The following RTL10 variants were observed in gnomAD, a reference collection of about 807,000 sequenced individuals.
RTL10 encodes retrotransposon Gag like 10.
For synonymous variants in RTL10, 199 were observed against 188.4 expected (o/e 1.06, Z -0.46); for missense variants, 477 against 470.7 (o/e 1.01, Z -0.12).
chr22:19,848,399 T>C lies in RTL10; in HGVS notation c.*2768A>G. ...AGAAAAACAACCCAGGGGGAATGCC[T>C]CCTTCCCCCAGCAGGAAAGCAGCTT... On this transcript the variant is annotated 3_prime_UTR_variant, in exon 3 of 3. Coordinates refer to ENST00000328554, the MANE Select transcript of RTL10 (RefSeq NM_024627.6). 5 of 985,382 alleles carry C rather than the reference T, an allele frequency of 5.1e-6. No homozygotes were observed. The highest frequency in any genetic ancestry group is 6.0e-6 in the Non-Finnish European group (5 of 829,940). 61.0% of individuals were successfully genotyped at this position (985,382 alleles called of 1,614,324 possible).
rs1462646944 is a variant in RTL10 at position 19,847,934 on chromosome 22, C to T, written c.*3233G>A. 1 of 984,970 alleles carries T rather than the reference C, an allele frequency of 1.0e-6. No individual in the cohort carries two copies. The highest frequency in any genetic ancestry group is 1.2e-6 in the Non-Finnish European group (1 of 829,768). 61.0% of individuals were successfully genotyped at this position (984,970 alleles called of 1,614,324 possible). ...GCACATACATGGCTTTACTATTTTC[C>T]AGAGGGCCAACTGCTTTTACTGAAT... On this transcript the variant is annotated 3_prime_UTR_variant, in exon 3 of 3. Transcript: ENST00000328554.
At position 19,849,979 on chromosome 22, in the gene RTL10, G is replaced by A. The variant is rs2145904972; in HGVS notation, c.*1188C>T. The A allele has an allele frequency of 1.0e-6, 1 of 985,348 alleles. No individual in the cohort carries two copies. The highest frequency in any genetic ancestry group is 1.2e-6 in the Non-Finnish European group (1 of 829,986). 61.0% of individuals were successfully genotyped at this position (985,348 alleles called of 1,614,324 possible). ...GTCTTTCTTCATTCCATTCCTCTGG[G>A]CCTGGGGCCTCACAGCTCTGGACTG... On this transcript the variant is annotated 3_prime_UTR_variant, in exon 3 of 3. Transcript: ENST00000328554.
At position 19,847,304 on chromosome 22, in the gene RTL10, A is replaced by T; in HGVS notation, c.*3863T>A. 1 of 985,034 alleles carries T rather than the reference A, an allele frequency of 1.0e-6. No individual in the cohort carries two copies. Among genetic ancestry groups the T allele is most frequent in the Non-Finnish European group, 1.2e-6 (1 of 829,554 alleles). The allele number at this position is 985,034 out of a possible 1,614,324, so 61.0% of individuals were successfully genotyped here. ...TTGGAGATCTTTGTTACTGCAGCACAATCTGGCTCATGCTGACTGATCCTG... is the reference window on the plus strand; with the variant it reads ...TTGGAGATCTTTGTTACTGCAGCACTATCTGGCTCATGCTGACTGATCCTG... On this transcript the variant is annotated 3_prime_UTR_variant, in exon 3 of 3. Coordinates refer to ENST00000328554, the MANE Select transcript of RTL10 (RefSeq NM_024627.6).
Position 19,847,223 on chromosome 22 carries a change from G to C in RTL10, c.*3944C>G. The C allele has an allele frequency of 1.0e-6, 1 of 985,476 alleles. No individual in the cohort carries two copies. Among genetic ancestry groups the C allele is most frequent in the East Asian group, 1.1e-4 (1 of 8,824 alleles). 61.0% of individuals were successfully genotyped at this position (985,476 alleles called of 1,614,324 possible). A position where few individuals can be genotyped will look rare whatever the true frequency, so the allele number is the denominator to read the frequency against. On this transcript the variant is annotated 3_prime_UTR_variant, in exon 3 of 3. Coordinates refer to ENST00000328554, the MANE Select transcript of RTL10 (RefSeq NM_024627.6). ...CACAGGTCTGACAGGCCCCAGCCACGGTGGCCCACAGGTGCAAGCAAGAAA... is the reference window on the plus strand; with the variant it reads ...CACAGGTCTGACAGGCCCCAGCCACCGTGGCCCACAGGTGCAAGCAAGAAA...
chr22:19,846,396 C>T lies in RTL10; in HGVS notation c.*4771G>A. On this transcript the variant is annotated 3_prime_UTR_variant, in exon 3 of 3. Coordinates refer to ENST00000328554, the MANE Select transcript of RTL10 (RefSeq NM_024627.6). ...AGAAACAGCATCCCATACAGCACAACTGGGCACTGCCTACTCAACAGCCAA... is the reference window on the plus strand; with the variant it reads ...AGAAACAGCATCCCATACAGCACAATTGGGCACTGCCTACTCAACAGCCAA... 1.0e-6 allele frequency: 1 copy of T among 984,006 alleles called. No homozygotes were observed. The highest frequency in any genetic ancestry group is 1.2e-6 in the Non-Finnish European group (1 of 828,566). The allele number at this position is 984,006 out of a possible 1,614,324, so 61.0% of individuals were successfully genotyped here.
At position 19,850,402 on chromosome 22, in the gene RTL10, G is replaced by GAGCAGGGGATGGCAGCACAGC; in HGVS notation, c.*744_*764dup. 1.0e-6 allele frequency: 1 copy of GAGCAGGGGATGGCAGCACAGC among 990,338 alleles called. No homozygotes were observed. Among genetic ancestry groups the GAGCAGGGGATGGCAGCACAGC allele is most frequent in the Admixed American group, 6.1e-5 (1 of 16,412 alleles). 61.3% of individuals were successfully genotyped at this position (990,338 alleles called of 1,614,324 possible). A position where few individuals can be genotyped will look rare whatever the true frequency, so the allele number is the denominator to read the frequency against. ...TCCGCAATGCATGCGAGTGCGGAGT[G>GAGCAGGGGATGGCAGCACAGC]AGCAGGGGATGGCAGCACAGCAGCA... On this transcript the variant is annotated 3_prime_UTR_variant, in exon 3 of 3. Transcript: ENST00000328554.
chr22:19,853,411 T>TA (rs1438738010), intron 2 of RTL10, among the ~76,000 whole-genome samples: 3 of 152,088 alleles, frequency 2.0e-5, no homozygotes, highest in South Asian at 2.1e-4. Flanking sequence ...AGCCCTCCTG[T>TA]AGGGCTCTTA....
chr22:19,850,163 C>A lies in RTL10; in HGVS notation c.*1004G>T. The A allele has an allele frequency of 9.1e-6, 9 of 985,634 alleles. No homozygotes were observed. Among genetic ancestry groups the A allele is most frequent in the Non-Finnish European group, 1.1e-5 (9 of 830,080 alleles). The allele number at this position is 985,634 out of a possible 1,614,324, so 61.1% of individuals were successfully genotyped here. On this transcript the variant is annotated 3_prime_UTR_variant, in exon 3 of 3. Transcript: ENST00000328554. ...AGCTGCAATGCTGACCTGGAATGCTCATGGCCAGGCCTCTGCTCCTGACAG... is the reference window on the plus strand; with the variant it reads ...AGCTGCAATGCTGACCTGGAATGCTAATGGCCAGGCCTCTGCTCCTGACAG...
In RTL10 at chr22:19,852,404, G is replaced by A. The variant is rs1053889483; in HGVS notation, c.-143C>T. 2.4e-6 allele frequency: 2 copies of A among 849,058 alleles called. No homozygotes were observed. Among genetic ancestry groups the A allele is most frequent in the South Asian group, 1.8e-5 (1 of 55,510 alleles). The allele number at this position is 849,058 out of a possible 1,614,324, so 52.6% of individuals were successfully genotyped here. A position where few individuals can be genotyped will look rare whatever the true frequency, so the allele number is the denominator to read the frequency against. ...CGCACTGGTCCAGGCAAGTGCTGAG[G>A]ATCAGGGAGCTGACAGCTGCAGCCT... On this transcript the variant is annotated 5_prime_UTR_variant, in exon 3 of 3. Coordinates refer to ENST00000328554, the MANE Select transcript of RTL10 (RefSeq NM_024627.6).
In RTL10 at chr22:19,850,420, C is replaced by T; in HGVS notation, c.*747G>A. ...GCGGAGTGAGCAGGGGATGGCAGCA[C>T]AGCAGCAGGGAAGAGGAGCCTGCTT... On this transcript the variant is annotated 3_prime_UTR_variant, in exon 3 of 3. Transcript: ENST00000328554. 3 of 992,430 alleles carry T rather than the reference C, an allele frequency of 3.0e-6. No individual in the cohort carries two copies. The highest frequency in any genetic ancestry group is 9.4e-5 in the South Asian group (2 of 21,358). 61.5% of individuals were successfully genotyped at this position (992,430 alleles called of 1,614,324 possible). A position where few individuals can be genotyped will look rare whatever the true frequency, so the allele number is the denominator to read the frequency against.
Position 19,851,890 on chromosome 22 carries a change from G to A in RTL10, c.372C>T (p.Tyr124=). The A allele has an allele frequency of 6.2e-7, 1 of 1,614,106 alleles. No homozygotes were observed. Among genetic ancestry groups the A allele is most frequent in the Non-Finnish European group, 8.5e-7 (1 of 1,180,046 alleles). Residue 124 remains tyrosine, a synonymous_variant, in exon 3 of 3, where the codon TAC becomes TAT. Transcript: ENST00000328554. ...GATAGTGCTCAAAGTGGAAGGACAT[G>A]TAATCGCCCAGCTGGGCCAAGAAGC... ...LDRFLAQLGD[Y]MSFHFEHYQD...
rs1447237127 is a variant in RTL10, at chr22:19,851,857, G to A, written c.405C>T (p.Asn135=). 2.5e-6 allele frequency: 4 copies of A among 1,613,408 alleles called. No homozygotes were observed. Among genetic ancestry groups the A allele is most frequent in the Admixed American group, 1.7e-5 (1 of 59,996 alleles). Residue 135 remains asparagine, a synonymous_variant, in exon 3 of 3, where the codon AAC becomes AAT. Transcript: ENST00000328554. ...MSFHFEHYQD[N]ISRVCEILRR... ...TGAGGATCTCGCAGACACGGCTGAT[G>A]TTGTCCTGATAGTGCTCAAAGTGGA...
At position 19,848,436 on chromosome 22, in the gene RTL10, G is replaced by C; in HGVS notation, c.*2731C>G. The C allele has an allele frequency of 4.1e-6, 4 of 985,494 alleles. No homozygotes were observed. The highest frequency in any genetic ancestry group is 2.3e-4 in the East Asian group (2 of 8,808). The allele number at this position is 985,494 out of a possible 1,614,324, so 61.0% of individuals were successfully genotyped here. ...CAGGAAAGCAGCTTGGTCATCATCT[G>C]TCTGAAAGCAGGTGCTGCAGCAGCT... is the stretch of plus-strand genomic sequence containing the variant. On this transcript the variant is annotated 3_prime_UTR_variant, in exon 3 of 3. Transcript: ENST00000328554.
chr22:19,852,452 G>C lies in RTL10; in HGVS notation c.-191C>G. On this transcript the variant is annotated 5_prime_UTR_variant, in exon 3 of 3. Coordinates refer to ENST00000328554, the MANE Select transcript of RTL10 (RefSeq NM_024627.6). The stretch of plus-strand genomic sequence containing the variant: ...CCTCAGGAGAGCTGAGAAGAGCTGA[G>C]AGACTGTCAGTCGCAGGCCATCATC... 1.6e-6 allele frequency: 1 copy of C among 619,368 alleles called. No homozygotes were observed. Among genetic ancestry groups the C allele is most frequent in the Admixed American group, 3.1e-5 (1 of 31,994 alleles). The allele number at this position is 619,368 out of a possible 1,614,324, so 38.4% of individuals were successfully genotyped here. A position where few individuals can be genotyped will look rare whatever the true frequency, so the allele number is the denominator to read the frequency against.
In RTL10 at chr22:19,851,367, G is replaced by C; in HGVS notation, c.895C>G (p.Pro299Ala). The part of the protein sequence containing the change: ...SSQPEEAAPT[P>A]VPRLSESANP... ...GCTGACTCCGACAGTCTAGGGACAG[G>C]TGTGGGGGCTGCCTCCTCTGGCTGG... Residue 299 changes from proline (P) to alanine (A), a missense_variant, in exon 3 of 3, where the codon CCT (proline) becomes GCT (alanine). Transcript: ENST00000328554. 6.2e-7 allele frequency: 1 copy of C among 1,614,164 alleles called. No homozygotes were observed. The highest frequency in any genetic ancestry group is 8.5e-7 in the Non-Finnish European group (1 of 1,180,014).
In RTL10 at chr22:19,848,530, T is replaced by C; in HGVS notation, c.*2637A>G. Reference sequence around the variant, plus strand: ...TGGAAGGCCATGCCAGAGTCCATCGTTGCCTCCACCCTACCTGTGCAGGAA... The same window carrying C: ...TGGAAGGCCATGCCAGAGTCCATCGCTGCCTCCACCCTACCTGTGCAGGAA... On this transcript the variant is annotated 3_prime_UTR_variant, in exon 3 of 3. Coordinates refer to ENST00000328554, the MANE Select transcript of RTL10 (RefSeq NM_024627.6). 2.0e-6 allele frequency: 2 copies of C among 985,534 alleles called. No homozygotes were observed. The highest frequency in any genetic ancestry group is 2.4e-6 in the Non-Finnish European group (2 of 829,990). The allele number at this position is 985,534 out of a possible 1,614,324, so 61.0% of individuals were successfully genotyped here. A position where few individuals can be genotyped will look rare whatever the true frequency, so the allele number is the denominator to read the frequency against.
chr22:19,847,485 T>C lies in RTL10; in HGVS notation c.*3682A>G. 1.0e-6 allele frequency: 1 copy of C among 985,330 alleles called. No individual in the cohort carries two copies. The highest frequency in any genetic ancestry group is 1.2e-6 in the Non-Finnish European group (1 of 829,932). The allele number at this position is 985,330 out of a possible 1,614,324, so 61.0% of individuals were successfully genotyped here. On this transcript the variant is annotated 3_prime_UTR_variant, in exon 3 of 3. Transcript: ENST00000328554. ...ATGGGCATCATTCTCATTCAACCCT[T>C]CTAACCACCCCATGAGGAAAAACTC...
rs1937959834 is a variant in RTL10 at position 19,846,340 on chromosome 22, AC to A, written c.*4826del. 6.1e-6 allele frequency: 5 copies of A among 815,068 alleles called. No homozygotes were observed. Among genetic ancestry groups the A allele is most frequent in the Non-Finnish European group, 7.4e-6 (5 of 674,066 alleles). 50.5% of individuals were successfully genotyped at this position (815,068 alleles called of 1,614,324 possible). A position where few individuals can be genotyped will look rare whatever the true frequency, so the allele number is the denominator to read the frequency against. Reference sequence around the variant, plus strand: ...TGGGAATACAGGATAATGCCTTTGTACCCCCCAGGTAGGGAAAGATTTCTTA... The same window carrying A: ...TGGGAATACAGGATAATGCCTTTGTACCCCCAGGTAGGGAAAGATTTCTTA... On this transcript the variant is annotated 3_prime_UTR_variant, in exon 3 of 3. Coordinates refer to ENST00000328554, the MANE Select transcript of RTL10 (RefSeq NM_024627.6).
In RTL10 at chr22:19,849,271, A is replaced by G; in HGVS notation, c.*1896T>C. 1 of 983,744 alleles carries G rather than the reference A, an allele frequency of 1.0e-6. No homozygotes were observed. The highest frequency in any genetic ancestry group is 1.2e-6 in the Non-Finnish European group (1 of 828,462). 60.9% of individuals were successfully genotyped at this position (983,744 alleles called of 1,614,324 possible). ...AGGTATCTGTGCCCTGAAATAACTC[A>G]CACATAAAACCATCTGAACCCAGAG... On this transcript the variant is annotated 3_prime_UTR_variant, in exon 3 of 3. Transcript: ENST00000328554.
Sources: allele counts gnomAD v4.1 joint callset (sites outside exome capture counted in the v4.1 genomes callset), GRCh38; gene constraint gnomAD v4.1.1; transcripts MANE v1.5; gene names NCBI Gene and HGNC (gene_info 2026-07-23, HGNC 2026-07-21).